CLSTN1: variants seen among roughly 807,000 people sequenced by gnomAD.
The protein encoded by CLSTN1 is calsyntenin-1.
In CLSTN1, 28 loss-of-function variants were observed where a neutral mutation model predicts 108.3. The observed-to-expected ratio is 0.26, with a 90% CI of 0.19 to 0.35. The LOEUF (loss-of-function observed/expected upper bound fraction) is 0.35, where lower values mean the gene tolerates loss of function less well. Among genes scored for constraint, CLSTN1 ranks in the 10% least tolerant of loss-of-function variants. The pLI is 1.00. For synonymous variants in CLSTN1, 524 were observed against 534.9 expected (o/e 0.98, Z 0.28); for missense variants, 1,157 against 1,302.6 (o/e 0.89, Z 1.72).
chr1:9,731,130 G>A, intron 18 of CLSTN1, 76 bp downstream of exon 18: 1 of 1,552,020 alleles, frequency 6.4e-7, no homozygotes, highest in Non-Finnish European at 8.9e-7. Context: ...ACCTGAAGGA[G>A]CCGCGCCGTA....
chr1:9,766,845 G>A (rs745730430), intron 2 of CLSTN1, among the ~76,000 whole-genome samples: 1 of 152,186 alleles, frequency 6.6e-6, no homozygotes, highest in Non-Finnish European at 1.5e-5. Context: ...GGGCGAGACT[G>A]GATCTTCATT....
rs546973586 is a variant in CLSTN1 at position 9,750,918 on chromosome 1, A to G, written c.649+555T>C. The stretch of plus-strand genomic sequence containing the variant: ...ATACAAACAACAACAACAAAAAATT[A>G]GCTGGGCGTGGTGGTGGGCACCTGT... On this transcript the variant is annotated intron_variant, in intron 5 of 18. Transcript: ENST00000377298. 7.5e-4 allele frequency among the ~76,000 whole-genome samples: 114 copies of G among 152,046 alleles called. No individual in the cohort carries two copies. The South Asian group carries it at 8.7e-3, about 12-fold the overall frequency.
chr1:9,743,863 G>A (rs1320403645), intron 9 of CLSTN1, 21 bp downstream of exon 9: 1 of 1,613,462 alleles, frequency 6.2e-7, no homozygotes, highest in Admixed American at 1.7e-5. Context: ...GGCCCTATTA[G>A]TGCGTTTTCA....
At chr1:9,745,767 T>G (rs1158450483) in intron 7 of CLSTN1, among the ~76,000 whole-genome samples, 4 of 107,736 alleles carry the variant, frequency 3.7e-5, no homozygotes, top group African/African-American at 1.5e-4. Flanking sequence ...GAATAGTTGT[T>G]TTTTTTTTTT....
intron 2 of CLSTN1, among the ~76,000 whole-genome samples, chr1:9,764,106 AAGAGAG>A (rs772208381): frequency 5.8e-5 from 7 of 120,818 alleles, no homozygotes; most frequent in African/African-American, 1.4e-4. Flanking sequence ...GGGAGAAAGA[AAGAGAG>A]AGAGAGAGAG....
rs532248684 is a variant in CLSTN1 at position 9,736,804 on chromosome 1, T to TGG, written c.1576+692_1576+693dup. Among the ~76,000 whole-genome samples the TGG allele has an allele frequency of 2.1e-4, 32 of 152,336 alleles. No homozygotes were observed. The South Asian group carries it at 5.0e-3, about 24-fold the overall frequency. On this transcript the variant is annotated intron_variant, in intron 11 of 18. Coordinates refer to ENST00000377298, the MANE Select transcript of CLSTN1 (RefSeq NM_001009566.3). ...AGAAACGGCTATTTGCCAGGCATGG[T>TGG]GGCTCACGCCTGTAATCCCAGCGCT...
chr1:9,753,761 C>A (rs546942349), intron 4 of CLSTN1, among the ~76,000 whole-genome samples: 1 of 152,266 alleles, frequency 6.6e-6, no homozygotes, highest in South Asian at 2.1e-4. Flanking sequence ...CCTGCCTCGG[C>A]CTCCCAAAGT....
At chr1:9,778,450 CAA>C (rs2101179986) in intron 1 of CLSTN1, among the ~76,000 whole-genome samples, 1 of 152,186 alleles carries the variant, frequency 6.6e-6, no homozygotes, top group South Asian at 2.1e-4. Flanking sequence ...GCTGGGAATT[CAA>C]AAGATACTGC....
intron 7 of CLSTN1, among the ~76,000 whole-genome samples, chr1:9,746,706 T>C (rs1014037382): frequency 1.3e-5 from 2 of 151,520 alleles, no homozygotes; most frequent in African/African-American, 4.8e-5. Context: ...AGTGAGACTC[T>C]GTCTCAAAAG....
At chr1:9,769,159 G>C (rs917616511) in intron 2 of CLSTN1, among the ~76,000 whole-genome samples, 3 of 148,598 alleles carry the variant, frequency 2.0e-5, no homozygotes, top group Non-Finnish European at 4.5e-5. Flanking sequence ...GAGGAAGGGA[G>C]GGAAGGAAGG....
chr1:9,808,081 C>G (rs1186848635), intron 1 of CLSTN1, among the ~76,000 whole-genome samples: 1 of 152,180 alleles, frequency 6.6e-6, no homozygotes, highest in Non-Finnish European at 1.5e-5. Flanking sequence ...ACAGCAGTCC[C>G]TCTGTATCCA....
chr1:9,773,280 C>A lies in CLSTN1; in HGVS notation c.206G>T (p.Arg69Leu). Reference protein sequence around the residue: ...LIALDKDAPLRFAESFEVTVT... With the variant: ...LIALDKDAPLLFAESFEVTVT... ...GAAAGCCCCGTTCCTACCTGCAAATCGCAGAGGCGCATCTTTATCCAGCGC... is the reference window on the plus strand; with the variant it reads ...GAAAGCCCCGTTCCTACCTGCAAATAGCAGAGGCGCATCTTTATCCAGCGC... The change falls in exon 2 of 19, where the codon CGA becomes CTA. Residue 69 changes from arginine (R) to leucine (L), a missense_variant. Transcript: ENST00000377298. The A allele has an allele frequency of 6.2e-7, 1 of 1,613,976 alleles. No homozygotes were observed. The highest frequency in any genetic ancestry group is 8.5e-7 in the Non-Finnish European group (1 of 1,179,940).
At chr1:9,780,891 G>A (rs1043519957) in intron 1 of CLSTN1, 3 of 324,378 alleles carry the variant, frequency 9.2e-6, no homozygotes, top group African/African-American at 6.5e-5. Context: ...CGGTGCGGGA[G>A]ACCATGGACA....
intron 2 of CLSTN1, among the ~76,000 whole-genome samples, chr1:9,766,865 T>C (rs2101141173): frequency 6.6e-6 from 1 of 152,358 alleles, no homozygotes; most frequent in East Asian, 1.9e-4. Flanking sequence ...TGTGAATGTC[T>C]GATTAGTGAT....
chr1:9,732,005 T>G lies in CLSTN1; in HGVS notation c.2428-109A>C, dbSNP rs1452366120. On this transcript the variant is annotated intron_variant, in intron 16 of 18. Coordinates refer to ENST00000377298, the MANE Select transcript of CLSTN1 (RefSeq NM_001009566.3). ...GACCAGTGCCACTCAGAGTGGCTCCTGGACCGCAGCTGGGGGCAAACGGAG... is the reference window on the plus strand; with the variant it reads ...GACCAGTGCCACTCAGAGTGGCTCCGGGACCGCAGCTGGGGGCAAACGGAG... 2.3e-6 allele frequency: 3 copies of G among 1,312,420 alleles called. No individual in the cohort carries two copies. In the African/African-American group the frequency reaches 4.4e-5, roughly 19 times the overall value. The allele number at this position is 1,312,420 out of a possible 1,614,324, so 81.3% of individuals were successfully genotyped here.
In CLSTN1 at chr1:9,749,856, G is replaced by GTCA. The variant is rs752415157; in HGVS notation, c.704_706dup (p.Leu235_Thr236insMet). ...CTTCCCACAGTCATAGGCAGTGACGGTCAGCTTATATTGATGTTCTTTCCC... is the reference window on the plus strand; with the variant it reads ...CTTCCCACAGTCATAGGCAGTGACGGTCATCAGCTTATATTGATGTTCTTTCCC... On this transcript the variant is annotated inframe_insertion, in exon 6 of 19. Transcript: ENST00000377298. The GTCA allele has an allele frequency of 2.5e-6, 4 of 1,613,770 alleles. No homozygotes were observed. In the African/African-American group the frequency reaches 5.3e-5, roughly 22 times the overall value.
chr1:9,800,565 A>G (rs1235848245), intron 1 of CLSTN1, among the ~76,000 whole-genome samples: 4 of 148,514 alleles, frequency 2.7e-5, no homozygotes, highest in African/African-American at 9.9e-5. Context: ...TAGAAAAAAA[A>G]AAAAAAAAAA....
At chr1:9,769,453 C>G (rs1364653835) in intron 2 of CLSTN1, among the ~76,000 whole-genome samples, 2 of 152,034 alleles carry the variant, frequency 1.3e-5, no homozygotes, top group African/African-American at 4.8e-5. Flanking sequence ...AAATAATATC[C>G]AGCAACAAAA....
intron 17 of CLSTN1, 27 bp downstream of exon 17, chr1:9,731,734 C>A (rs374950625): frequency 1.2e-6 from 2 of 1,613,640 alleles, no homozygotes; most frequent in Admixed American, 1.7e-5. Context: ...GGAGCATCTC[C>A]GCTTGGTCTC....
Sources: allele counts gnomAD v4.1 joint callset (sites outside exome capture counted in the v4.1 genomes callset), GRCh38; gene constraint gnomAD v4.1.1; transcripts MANE v1.5; gene names NCBI Gene and HGNC (gene_info 2026-07-23, HGNC 2026-07-21).